The following SGCZ variants were observed in gnomAD, a reference collection of about 807,000 sequenced individuals.
The protein encoded by SGCZ is sarcoglycan zeta, also known as zeta-sarcoglycan.
A neutral mutation model predicts 41.3 loss-of-function variants in SGCZ; 40 were observed. That is an observed-to-expected ratio of 0.97 (90% confidence interval 0.75 to 1.26). The LOEUF (loss-of-function observed/expected upper bound fraction) is 1.26, where lower values mean the gene tolerates loss of function less well. SGCZ is among the 50% of genes most tolerant of loss of function. The pLI is 0.00. For missense variants in SGCZ, 552 were observed against 369.8 expected (o/e 1.49, Z -4.04); for synonymous variants, 206 against 137.5 (o/e 1.50, Z -3.49).
chr8:14,183,006 C>G (rs1481930406), intron 4 of SGCZ, among the ~76,000 whole-genome samples: 1 of 91,660 alleles, frequency 1.1e-5, no homozygotes, highest in Non-Finnish European at 2.3e-5. Flanking sequence ...AGCAAAACTC[C>G]GTCTCAAAAA....
intron 2 of SGCZ, among the ~76,000 whole-genome samples, chr8:14,467,554 C>T (rs546335422): frequency 3.1e-4 from 47 of 152,170 alleles, no homozygotes; most frequent in African/African-American, 1.1e-3. Context: ...GTAGTTGCTA[C>T]TGTGCTACGA....
chr8:14,134,056 A>T (rs1803122329), intron 5 of SGCZ, among the ~76,000 whole-genome samples: 1 of 152,236 alleles, frequency 6.6e-6, no homozygotes, highest in South Asian at 2.1e-4. Flanking sequence ...ATTATGATGT[A>T]TAAAAATGTT....
chr8:14,108,860 G>C (rs534440823), intron 5 of SGCZ, among the ~76,000 whole-genome samples: 8 of 152,252 alleles, frequency 5.3e-5, no homozygotes, highest in Non-Finnish European at 1.0e-4. Flanking sequence ...TCTCTTTAAA[G>C]AACAAAAGCT....
chr8:14,253,244 GT>G (rs1332475332), intron 3 of SGCZ, among the ~76,000 whole-genome samples: 2 of 10,314 alleles, frequency 1.9e-4, no homozygotes, highest in East Asian at 2.6e-3. Context: ...TGTGTGTAGG[GT>G]GTGTGTGTGT....
At chr8:14,118,558 T>C (rs1476319622) in intron 5 of SGCZ, among the ~76,000 whole-genome samples, 2 of 152,214 alleles carry the variant, frequency 1.3e-5, no homozygotes, top group African/African-American at 2.4e-5. Context: ...AGAAGCTCTT[T>C]AGTTTAATTA....
chr8:14,191,895 A>G (rs1222164763), intron 4 of SGCZ, among the ~76,000 whole-genome samples: 1 of 152,110 alleles, frequency 6.6e-6, no homozygotes, highest in Non-Finnish European at 1.5e-5. Flanking sequence ...ACCTAGTCAT[A>G]ATACTGAAAT....
intron 2 of SGCZ, among the ~76,000 whole-genome samples, chr8:14,458,755 A>G (rs1269521326): frequency 6.6e-6 from 1 of 152,156 alleles, no homozygotes; most frequent in Non-Finnish European, 1.5e-5. Flanking sequence ...CTGTCTGCTA[A>G]AAGGGCCTAG....
chr8:15,059,024 G>T (rs1804819090), intron 1 of SGCZ, among the ~76,000 whole-genome samples: 1 of 151,758 alleles, frequency 6.6e-6, no homozygotes, highest in South Asian at 2.1e-4. Context: ...TATGTTTTTT[G>T]TATCTAATTA....
chr8:14,127,696 T>G (rs1287238365), intron 5 of SGCZ, among the ~76,000 whole-genome samples: 1 of 152,182 alleles, frequency 6.6e-6, no homozygotes, highest in African/African-American at 2.4e-5. Context: ...GATCTTGTGC[T>G]CCACACGCCT....
At chr8:14,907,000 T>C (rs1317940987) in intron 1 of SGCZ, among the ~76,000 whole-genome samples, 3 of 152,126 alleles carry the variant, frequency 2.0e-5, no homozygotes, top group African/African-American at 7.2e-5. Flanking sequence ...CCTTAAATCA[T>C]ATCCCATAAA....
chr8:14,715,165 C>G (rs1809647605), intron 1 of SGCZ, among the ~76,000 whole-genome samples: 1 of 152,074 alleles, frequency 6.6e-6, no homozygotes, highest in Admixed American at 6.6e-5. Context: ...TAAAAGGTCT[C>G]AAAAGGTTAG....
chr8:15,093,122 T>C (rs1806211825), intron 1 of SGCZ, among the ~76,000 whole-genome samples: 1 of 151,946 alleles, frequency 6.6e-6, no homozygotes, highest in Non-Finnish European at 1.5e-5. Flanking sequence ...GCAGCCATAA[T>C]AAAAAAAATC....
intron 2 of SGCZ, among the ~76,000 whole-genome samples, chr8:14,540,425 T>G (rs1803429329): frequency 2.6e-5 from 4 of 151,746 alleles, no homozygotes; most frequent in Middle Eastern, 3.2e-3. Flanking sequence ...GCTTTGTTTC[T>G]TATTTTAAAA....
chr8:14,841,433 G>A (rs564740401), intron 1 of SGCZ, among the ~76,000 whole-genome samples: 1 of 152,084 alleles, frequency 6.6e-6, no homozygotes, highest in African/African-American at 2.4e-5. Context: ...GGTATTTAAA[G>A]AACTAAAATT....
chr8:14,111,242 G>A (rs1802361796), intron 5 of SGCZ, among the ~76,000 whole-genome samples: 1 of 152,064 alleles, frequency 6.6e-6, no homozygotes, highest in African/African-American at 2.4e-5. Flanking sequence ...GATATTTACA[G>A]GGGATATACT....
At chr8:15,192,809 C>T (rs1800584225) in intron 1 of SGCZ, among the ~76,000 whole-genome samples, 1 of 152,064 alleles carries the variant, frequency 6.6e-6, no homozygotes, top group Non-Finnish European at 1.5e-5. Flanking sequence ...TTGAGTTGTG[C>T]ATTCTTGTGG....
chr8:14,599,014 G>A (rs570490062), intron 1 of SGCZ, among the ~76,000 whole-genome samples: 7 of 151,936 alleles, frequency 4.6e-5, no homozygotes, highest in East Asian at 3.9e-4. Flanking sequence ...TAAAATACCC[G>A]GACATCTCAG....
rs376838132 is a variant in SGCZ at position 14,652,833 on chromosome 8, C to T, written c.40-97907G>A. On this transcript the variant is annotated intron_variant, in intron 1 of 7. Transcript: ENST00000382080. Reference sequence around the variant, plus strand: ...GTGTCTAGAATAGAAATAGACAAGTCTACAATGAATTTGGGTGGCCATTGG... The same window carrying T: ...GTGTCTAGAATAGAAATAGACAAGTTTACAATGAATTTGGGTGGCCATTGG... 9.2e-5 allele frequency among the ~76,000 whole-genome samples: 14 copies of T among 152,170 alleles called. No individual in the cohort carries two copies. In the South Asian group the frequency reaches 2.9e-3, roughly 32 times the overall value.
At chr8:14,423,176 G>C (rs112754577) in intron 2 of SGCZ, among the ~76,000 whole-genome samples, 3,351 of 151,924 alleles carry the variant, frequency 0.022, 95 homozygotes, top group African/African-American at 0.067. Flanking sequence ...GTGGGCGGAG[G>C]GGGGAGGGAT....
Sources: gnomAD v4.1 joint callset for allele counts (sites outside exome capture counted in the v4.1 genomes callset) on GRCh38, gnomAD v4.1.1 for gene constraint, MANE v1.5 for transcripts, NCBI Gene and HGNC (gene_info 2026-07-23, HGNC 2026-07-21) for gene names.